The following FGF14 variants were observed in gnomAD, a reference collection of about 807,000 sequenced individuals.
FGF14 encodes fibroblast growth factor homologous factor 4.
Under a neutral mutation model 25.5 loss-of-function variants are expected in FGF14, and 5 were observed. The ratio of observed to expected loss-of-function variants is 0.20; its 90% CI spans 0.10 to 0.41. The LOEUF (loss-of-function observed/expected upper bound fraction) is 0.41. FGF14 is among the 10% of genes least tolerant of loss of function. The pLI, the probability that FGF14 is intolerant of heterozygous loss-of-function variation, is 1.00. For synonymous variants in FGF14, 138 were observed against 118.3 expected (o/e 1.17, Z -1.08); for missense variants, 222 against 320.1 (o/e 0.69, Z 2.34).
chr13:102,256,760 G>A (rs1566869965), intron 1 of FGF14, among the ~76,000 whole-genome samples: 1 of 152,152 alleles, frequency 6.6e-6, no homozygotes, highest in Non-Finnish European at 1.5e-5. Context: ...GGGTGACATT[G>A]CTTGATTTAA....
chr13:102,097,347 C>G (rs663426), intron 1 of FGF14, among the ~76,000 whole-genome samples: 4,905 of 152,288 alleles, frequency 0.032, 259 homozygotes, highest in African/African-American at 0.11. Context: ...TGGTCAGAGA[C>G]AGCGTTAGAA....
intron 1 of FGF14, among the ~76,000 whole-genome samples, chr13:102,322,269 A>G (rs1290510587): frequency 6.6e-6 from 1 of 152,186 alleles, no homozygotes; most frequent in African/African-American, 2.4e-5. Context: ...TTAAACGGAA[A>G]CATCCTTTAC....
intron 1 of FGF14, among the ~76,000 whole-genome samples, chr13:102,184,785 T>A (rs2048813305): frequency 6.6e-6 from 1 of 152,148 alleles, no homozygotes; most frequent in Admixed American, 6.6e-5. Flanking sequence ...AATTTGGTAA[T>A]GTTCATCAAA....
At chr13:102,250,021 C>T (rs1238373099) in intron 1 of FGF14, among the ~76,000 whole-genome samples, 1 of 152,140 alleles carries the variant, frequency 6.6e-6, no homozygotes, top group Non-Finnish European at 1.5e-5. Context: ...GGTCTTGATC[C>T]TGCCTATGTA....
chr13:102,057,642 T>C (rs577347833), intron 1 of FGF14, among the ~76,000 whole-genome samples: 77 of 152,288 alleles, frequency 5.1e-4, no homozygotes, highest in African/African-American at 1.7e-3. Flanking sequence ...TAAATAGCTA[T>C]TTATGGCATG....
intron 1 of FGF14, among the ~76,000 whole-genome samples, chr13:101,937,588 TTTTGTTTG>T (rs143232373): frequency 2.0e-5 from 3 of 151,800 alleles, no homozygotes; most frequent in Non-Finnish European, 2.9e-5. Flanking sequence ...CATTGCTGTT[TTTTGTTTG>T]TTTGTTTGTT....
At chr13:102,074,180 T>C (rs59556786) in intron 1 of FGF14, among the ~76,000 whole-genome samples, 3 of 152,056 alleles carry the variant, frequency 2.0e-5, no homozygotes, top group African/African-American at 7.3e-5. Flanking sequence ...CTGGCAATTT[T>C]AAAAAATTTT....
intron 1 of FGF14, among the ~76,000 whole-genome samples, chr13:101,980,519 G>A (rs1468381388): frequency 2.6e-5 from 4 of 152,162 alleles, no homozygotes; most frequent in Admixed American, 6.5e-5. Flanking sequence ...CCATTAGAGA[G>A]AAGTTGGTTA....
intron 1 of FGF14, among the ~76,000 whole-genome samples, chr13:102,147,013 T>A (rs1218542490): frequency 1.3e-5 from 2 of 152,208 alleles, no homozygotes; most frequent in African/African-American, 4.8e-5. Context: ...TCAGTGATGC[T>A]CATTGATGGA....
intron 1 of FGF14, among the ~76,000 whole-genome samples, chr13:102,322,006 G>A (rs1415869448): frequency 6.6e-6 from 1 of 152,196 alleles, no homozygotes; most frequent in East Asian, 1.9e-4. Context: ...TTGAGCCTAG[G>A]AAGGGTGAGA....
At chr13:101,815,522 C>G (rs1023760078) in intron 3 of FGF14, among the ~76,000 whole-genome samples, 1 of 152,072 alleles carries the variant, frequency 6.6e-6, no homozygotes, top group Admixed American at 6.5e-5. Context: ...GCACTGAAAA[C>G]AAGAGAAGGG....
intron 1 of FGF14, among the ~76,000 whole-genome samples, chr13:102,374,557 A>G (rs1182176220): frequency 1.3e-5 from 2 of 149,276 alleles, no homozygotes; most frequent in Non-Finnish European, 3.0e-5. Context: ...TACCTTATTC[A>G]CTTTATTGAA....
intron 1 of FGF14, among the ~76,000 whole-genome samples, chr13:102,124,676 G>T (rs968704178): frequency 7.9e-5 from 12 of 152,072 alleles, no homozygotes; most frequent in African/African-American, 2.9e-4. Flanking sequence ...CCAGGAGCAG[G>T]AGGGCCAGCA....
chr13:102,163,821 T>TA (rs2047883544), intron 1 of FGF14, among the ~76,000 whole-genome samples: 1 of 150,296 alleles, frequency 6.7e-6, no homozygotes, highest in Non-Finnish European at 1.5e-5. Flanking sequence ...GGTAAAGAAA[T>TA]AATCAGACTT....
At chr13:102,151,974 C>G (rs1312842711) in intron 1 of FGF14, among the ~76,000 whole-genome samples, 4 of 152,140 alleles carry the variant, frequency 2.6e-5, no homozygotes, top group Non-Finnish European at 4.4e-5. Flanking sequence ...GCCCATTTTA[C>G]TGCTGAGGAG....
At chr13:102,320,294 T>A (rs2056196920) in intron 1 of FGF14, among the ~76,000 whole-genome samples, 14 of 150,608 alleles carry the variant, frequency 9.3e-5, no homozygotes, top group Admixed American at 9.3e-4. Context: ...CTCATGAGAC[T>A]TCACAAGTCA....
At chr13:102,326,879 T>C (rs1392998316) in intron 1 of FGF14, among the ~76,000 whole-genome samples, 1 of 152,148 alleles carries the variant, frequency 6.6e-6, no homozygotes, top group Non-Finnish European at 1.5e-5. Flanking sequence ...CTAAAATATA[T>C]GAACTAGTAG....
intron 1 of FGF14, among the ~76,000 whole-genome samples, chr13:102,378,118 T>C (rs1425064307): frequency 3.9e-5 from 6 of 152,346 alleles, no homozygotes; most frequent in Admixed American, 3.9e-4. Context: ...TGCATGATAC[T>C]ATAATGGTGA....
intron 1 of FGF14, among the ~76,000 whole-genome samples, chr13:101,986,622 G>T (rs1042351554): frequency 9.9e-5 from 15 of 152,068 alleles, no homozygotes; most frequent in African/African-American, 3.6e-4. Flanking sequence ...TAAAAATGAG[G>T]CTTAGAAAAT....
Sources: allele counts gnomAD v4.1 joint callset (sites outside exome capture counted in the v4.1 genomes callset), GRCh38; gene constraint gnomAD v4.1.1; transcripts MANE v1.5; gene names NCBI Gene and HGNC (gene_info 2026-07-23, HGNC 2026-07-21).